Variants in ROBO2 observed in about 807,000 individuals in gnomAD.
The protein encoded by ROBO2 is roundabout homolog 2.
ROBO2 carries 53 observed loss-of-function variants against 160.8 expected under a neutral mutation model. The ratio of observed to expected loss-of-function variants is 0.33; its 90% confidence interval spans 0.26 to 0.41. ROBO2 has a LOEUF of 0.41. Ranked by LOEUF, ROBO2 falls within the 10% of genes least tolerant of loss-of-function variation. The pLI is 1.00. For missense variants in ROBO2, 1,577 were observed against 1,722.4 expected (o/e 0.92, Z 1.49); for synonymous variants, 664 against 611.7 (o/e 1.09, Z -1.26).
chr3:76,599,199 T>C (rs1396578842), intron 2 of ROBO2, among the ~76,000 whole-genome samples: 9 of 152,204 alleles, frequency 5.9e-5, no homozygotes, highest in Admixed American at 4.6e-4. Context: ...CCAATGGATA[T>C]TTGTTTCTGA....
chr3:76,216,223 T>C (rs1429468669), intron 2 of ROBO2, among the ~76,000 whole-genome samples: 8 of 152,094 alleles, frequency 5.3e-5, no homozygotes, highest in Admixed American at 2.0e-4. Flanking sequence ...ATTGTAAAGA[T>C]CGTCGAGGCT....
intron 1 of ROBO2, among the ~76,000 whole-genome samples, chr3:77,061,525 T>C (rs2066302342): frequency 6.6e-6 from 1 of 152,124 alleles, no homozygotes; most frequent in Non-Finnish European, 1.5e-5. Context: ...CTCTGAGTGG[T>C]TTTTGAAATC....
intron 21 of ROBO2, among the ~76,000 whole-genome samples, chr3:77,611,011 T>C (rs900168468): frequency 2.0e-5 from 3 of 151,866 alleles, no homozygotes; most frequent in African/African-American, 7.2e-5. Flanking sequence ...GAAAACTGCA[T>C]AGGGTGGCTG....
intron 2 of ROBO2, among the ~76,000 whole-genome samples, chr3:76,657,310 A>C (rs1432906150): frequency 6.6e-6 from 1 of 151,896 alleles, no homozygotes; most frequent in Non-Finnish European, 1.5e-5. Context: ...CTGTAGTCCC[A>C]GCTACTCGGG....
intron 2 of ROBO2, among the ~76,000 whole-genome samples, chr3:77,189,482 A>T (rs2081610497): frequency 6.6e-6 from 1 of 151,916 alleles, no homozygotes; most frequent in African/African-American, 2.4e-5. Flanking sequence ...TGCATCACTT[A>T]CAAACACTCA....
intron 2 of ROBO2, among the ~76,000 whole-genome samples, chr3:76,883,316 C>A (rs1346039195): frequency 6.6e-6 from 1 of 152,098 alleles, no homozygotes; most frequent in South Asian, 2.1e-4. Context: ...TGTAAAAAAT[C>A]TTTAAATCTC....
intron 2 of ROBO2, among the ~76,000 whole-genome samples, chr3:75,961,037 T>G (rs1948892424): frequency 6.6e-6 from 1 of 151,676 alleles, no homozygotes; most frequent in Non-Finnish European, 1.5e-5. Flanking sequence ...TTCAGTAAGT[T>G]ATTTGTAAAA....
At chr3:77,015,930 G>A (rs1020356421) in intron 2 of ROBO2, among the ~76,000 whole-genome samples, 1 of 151,720 alleles carries the variant, frequency 6.6e-6, no homozygotes, top group African/African-American at 2.4e-5. Context: ...ATAATCTTTT[G>A]TTTTTCCTTC....
At chr3:76,061,954 A>G (rs1370470387) in intron 2 of ROBO2, among the ~76,000 whole-genome samples, 1 of 152,110 alleles carries the variant, frequency 6.6e-6, no homozygotes, top group African/African-American at 2.4e-5. Context: ...TCTTTCTTCC[A>G]TAGTCACATC....
intron 2 of ROBO2, among the ~76,000 whole-genome samples, chr3:76,188,613 C>T (rs570410917): frequency 5.3e-5 from 8 of 152,164 alleles, no homozygotes; most frequent in South Asian, 2.1e-4. Context: ...TACTTTGCTA[C>T]GGAAGCCCTA....
intron 2 of ROBO2, among the ~76,000 whole-genome samples, chr3:76,266,653 A>G (rs901501272): frequency 6.6e-6 from 1 of 152,124 alleles, no homozygotes; most frequent in Non-Finnish European, 1.5e-5. Flanking sequence ...TTCTGAAAGA[A>G]ACGAAGCACA....
chr3:76,527,378 C>G (rs2107995637), intron 2 of ROBO2, among the ~76,000 whole-genome samples: 1 of 152,234 alleles, frequency 6.6e-6, no homozygotes, highest in South Asian at 2.1e-4. Flanking sequence ...AGGCCATTGA[C>G]ATTTTTCAAG....
exon 17 of ROBO2, chr3:77,588,879 A>T: frequency 6.2e-7 from 1 of 1,613,568 alleles, no homozygotes; most frequent in Non-Finnish European, 8.5e-7. Flanking sequence ...GATGGGTTTT[A>T]GCATATGGTT....
intron 5 of ROBO2, among the ~76,000 whole-genome samples, chr3:77,512,422 G>A (rs892364185): frequency 6.6e-5 from 10 of 151,914 alleles, no homozygotes; most frequent in African/African-American, 1.4e-4. Flanking sequence ...TCATAGAAGC[G>A]TGCCTTGAAT....
rs906023345 is a variant in ROBO2, at chr3:76,863,171, G to A, written c.110-234843G>A. Among the ~76,000 whole-genome samples the A allele has an allele frequency of 3.3e-5, 5 of 151,974 alleles. No homozygotes were observed. In the East Asian group the frequency reaches 9.6e-4, roughly 29 times the overall value. On this transcript the variant is annotated intron_variant, in intron 2 of 26. Coordinates refer to the ROBO2 transcript ENST00000487694. ...AGTCTGTGACTTGTCTTCTAGCCACGTGAAATTCCTTGCAATTTCTGGAAG... is the reference window on the plus strand; with the variant it reads ...AGTCTGTGACTTGTCTTCTAGCCACATGAAATTCCTTGCAATTTCTGGAAG...
intron 2 of ROBO2, among the ~76,000 whole-genome samples, chr3:76,886,208 T>C (rs1055161041): frequency 3.4e-4 from 51 of 152,066 alleles, no homozygotes; most frequent in African/African-American, 1.2e-3. Flanking sequence ...CATAAACTTT[T>C]TCTTGAGATT....
chr3:76,708,174 C>T (rs945592308), intron 2 of ROBO2, among the ~76,000 whole-genome samples: 1 of 152,084 alleles, frequency 6.6e-6, no homozygotes, highest in African/African-American at 2.4e-5. Flanking sequence ...ACCCACTTTC[C>T]AGTTTTCTTT....
chr3:76,530,210 T>C (rs1185605402), intron 2 of ROBO2, among the ~76,000 whole-genome samples: 1 of 152,212 alleles, frequency 6.6e-6, no homozygotes, highest in Non-Finnish European at 1.5e-5. Context: ...TGGTGGCGAT[T>C]CTTTAAAGAT....
rs565925170 is a variant in ROBO2 at position 76,797,260 on chromosome 3, CA to C, written c.110-300752del. 5.5e-4 allele frequency among the ~76,000 whole-genome samples: 83 copies of C among 151,990 alleles called. 1 individual carries two copies. In the South Asian group the frequency reaches 0.014, roughly 26 times the overall value. On this transcript the variant is annotated intron_variant, in intron 2 of 26. Coordinates refer to the ROBO2 transcript ENST00000487694. Reference sequence around the variant, plus strand: ...TCATATCAAGATTCTTCTCTGACCACAATGGAATAAAATTGGAAATCAATAA... The same window carrying C: ...TCATATCAAGATTCTTCTCTGACCACATGGAATAAAATTGGAAATCAATAA...
Sources: allele counts gnomAD v4.1 joint callset (sites outside exome capture counted in the v4.1 genomes callset), GRCh38; gene constraint gnomAD v4.1.1; transcripts MANE v1.5; gene names NCBI Gene and HGNC (gene_info 2026-07-23, HGNC 2026-07-21).